SHC3: variants seen among roughly 807,000 people sequenced by gnomAD.
SHC3 encodes SHC adaptor protein 3.
SHC3 carries 15 observed loss-of-function variants against 60.4 expected under a neutral mutation model. That is an observed-to-expected ratio of 0.25 (90% CI 0.17 to 0.38). The LOEUF is 0.38. SHC3 is among the 10% of genes least tolerant of loss of function. The probability of loss-of-function intolerance (pLI) is 1.00; values close to 1 mark genes in which losing one functional copy is unlikely to be tolerated. For synonymous variants in SHC3, 294 were observed against 325.9 expected (o/e 0.90, Z 1.05); for missense variants, 677 against 786.1 (o/e 0.86, Z 1.66).
chr9:89,014,718 C>T (rs941973849), intron 11 of SHC3, among the ~76,000 whole-genome samples: 1 of 152,172 alleles, frequency 6.6e-6, no homozygotes, highest in African/African-American at 2.4e-5. Flanking sequence ...GTGACTCCTG[C>T]TTCCACTAAT....
At chr9:89,111,953 A>G (rs963139077) in intron 2 of SHC3, among the ~76,000 whole-genome samples, 3 of 152,218 alleles carry the variant, frequency 2.0e-5, no homozygotes, top group African/African-American at 7.2e-5. Context: ...TAAAGGTGTA[A>G]GCTCTACTGG....
intron 1 of SHC3, among the ~76,000 whole-genome samples, chr9:89,129,662 T>C (rs1280286718): frequency 6.6e-6 from 1 of 152,086 alleles, no homozygotes; most frequent in Non-Finnish European, 1.5e-5. Context: ...AAACTAAGCT[T>C]CATAAGTGAA....
intron 11 of SHC3, among the ~76,000 whole-genome samples, chr9:89,026,018 C>A (rs538894748): frequency 6.6e-6 from 1 of 152,084 alleles, no homozygotes; most frequent in Non-Finnish European, 1.5e-5. Context: ...CCAAGGCAGG[C>A]GGACCACCTG....
chr9:89,067,932 A>G (rs1322444795), intron 5 of SHC3, among the ~76,000 whole-genome samples: 1 of 152,224 alleles, frequency 6.6e-6, no homozygotes, highest in African/African-American at 2.4e-5. Context: ...TAGAGTCAGC[A>G]TTAGTAATGA....
intron 1 of SHC3, among the ~76,000 whole-genome samples, chr9:89,121,002 T>C (rs562323571): frequency 1.3e-5 from 2 of 152,232 alleles, no homozygotes; most frequent in Non-Finnish European, 2.9e-5. Context: ...CACAGGCCAC[T>C]TTACACAATA....
chr9:89,097,007 C>T (rs987917064), intron 2 of SHC3, among the ~76,000 whole-genome samples: 2 of 150,852 alleles, frequency 1.3e-5, no homozygotes, highest in African/African-American at 4.9e-5. Context: ...CCAGAGAGGG[C>T]GCTGCAGACA....
At chr9:89,092,425 G>A (rs140739513) in intron 2 of SHC3, among the ~76,000 whole-genome samples, 2,025 of 152,130 alleles carry the variant, frequency 0.013, 20 homozygotes, top group South Asian at 0.034. Flanking sequence ...AGACCATCCT[G>A]GCTAACACGG....
At chr9:89,132,011 C>T (rs973622775) in intron 1 of SHC3, among the ~76,000 whole-genome samples, 1 of 152,184 alleles carries the variant, frequency 6.6e-6, no homozygotes, top group African/African-American at 2.4e-5. Flanking sequence ...TAGAAAACCC[C>T]ATCGTCTCAG....
chr9:89,026,549 T>C (rs951605158), intron 11 of SHC3, among the ~76,000 whole-genome samples: 3 of 152,248 alleles, frequency 2.0e-5, no homozygotes, highest in Admixed American at 6.5e-5. Flanking sequence ...TAATATCTTA[T>C]GTATAAAATC....
intron 1 of SHC3, among the ~76,000 whole-genome samples, chr9:89,146,501 A>G (rs935680363): frequency 7.2e-5 from 11 of 152,202 alleles, no homozygotes; most frequent in Non-Finnish European, 1.5e-4. Context: ...TGAATAATCA[A>G]TGAAATTAAT....
At chr9:89,123,073 A>T (rs1163159803) in intron 1 of SHC3, among the ~76,000 whole-genome samples, 2 of 152,136 alleles carry the variant, frequency 1.3e-5, no homozygotes, top group African/African-American at 2.4e-5. Context: ...GGTGTTACGA[A>T]TTAGGAGTTT....
intron 2 of SHC3, among the ~76,000 whole-genome samples, chr9:89,089,264 T>C (rs1175621109): frequency 4.6e-5 from 7 of 152,100 alleles, no homozygotes; most frequent in Non-Finnish European, 8.8e-5. Context: ...ACTGATAGAA[T>C]TGGAGGAAGA....
chr9:89,060,674 A>G (rs1036355630), intron 6 of SHC3, among the ~76,000 whole-genome samples: 1 of 152,026 alleles, frequency 6.6e-6, no homozygotes, highest in Non-Finnish European at 1.5e-5. Flanking sequence ...GGAATGGGAC[A>G]TTTTATTTGG....
chr9:89,159,893 G>T (rs1826679206), intron 1 of SHC3, among the ~76,000 whole-genome samples: 3 of 152,012 alleles, frequency 2.0e-5, no homozygotes, highest in Non-Finnish European at 4.4e-5. Context: ...ATCTCCTTGG[G>T]CAACATCCTC....
In SHC3 at chr9:89,136,815, G is replaced by T. The variant is rs114780984; in HGVS notation, c.475-24189C>A. On this transcript the variant is annotated intron_variant, in intron 1 of 11. Transcript: ENST00000375835. ...GGGGTCTGGATTGGGACCACTTTCA[G>T]GTAACAATATGGCTGGAGTGTATTA... is the stretch of plus-strand genomic sequence containing the variant. Among the ~76,000 whole-genome samples, 513 of 151,878 alleles carry T rather than the reference G, an allele frequency of 3.4e-3. 5 individuals are homozygous for T. Among genetic ancestry groups the T allele is most frequent in the African/African-American group, 0.012 (483 of 41,496 alleles).
chr9:89,049,174 T>C (rs565766842), intron 7 of SHC3, among the ~76,000 whole-genome samples: 1 of 152,136 alleles, frequency 6.6e-6, no homozygotes, highest in African/African-American at 2.4e-5. Flanking sequence ...GGCAGGAGAA[T>C]GGCGCGAACC....
At chr9:89,025,628 C>T (rs4642727) in intron 11 of SHC3, among the ~76,000 whole-genome samples, 62,711 of 152,060 alleles carry the variant, frequency 0.41, 14,446 homozygotes, top group East Asian at 0.83. Flanking sequence ...TTATATCTTC[C>T]TCCCTTTGGA....
chr9:89,173,644 G>T (rs1826901350), intron 1 of SHC3, among the ~76,000 whole-genome samples: 1 of 152,082 alleles, frequency 6.6e-6, no homozygotes, highest in South Asian at 2.1e-4. Context: ...GGGCTGTGGG[G>T]TGTGTGTGTT....
chr9:89,063,154 G>A (rs985457969), intron 6 of SHC3, among the ~76,000 whole-genome samples: 5 of 152,166 alleles, frequency 3.3e-5, no homozygotes, highest in South Asian at 2.1e-4. Context: ...TTTTTGAGAC[G>A]GAGTCTCGCT....
Sources: allele counts gnomAD v4.1 joint callset (sites outside exome capture counted in the v4.1 genomes callset), GRCh38; gene constraint gnomAD v4.1.1; transcripts MANE v1.5; gene names NCBI Gene and HGNC (gene_info 2026-07-23, HGNC 2026-07-21).